IMMP2L: variants seen among roughly 807,000 people sequenced by gnomAD.
IMMP2L encodes the protein mitochondrial inner membrane protease subunit 2.
IMMP2L carries 18 observed loss-of-function variants against 19.3 expected under a neutral mutation model. That is an observed-to-expected ratio of 0.93 (90% confidence interval 0.64 to 1.38). The LOEUF is 1.38. Among genes scored for constraint, IMMP2L ranks in the 40% most tolerant of loss-of-function variants. IMMP2L has a pLI of 0.00. For missense variants in IMMP2L, 233 were observed against 218.2 expected, an observed-to-expected ratio of 1.07 and a Z score of -0.43; for synonymous variants, 76 against 73.0, an observed-to-expected ratio of 1.04 and a Z score of -0.21.
intron 3 of IMMP2L, among the ~76,000 whole-genome samples, chr7:111,193,830 CCTATTA>C (rs1809170174): frequency 6.6e-6 from 1 of 152,024 alleles, no homozygotes; most frequent in African/African-American, 2.4e-5. Context: ...ACTTATTTTA[CCTATTA>C]TTTACACATA....
intron 3 of IMMP2L, among the ~76,000 whole-genome samples, chr7:111,209,501 T>G (rs996238680): frequency 2.6e-5 from 4 of 152,160 alleles, no homozygotes; most frequent in Admixed American, 6.5e-5. Context: ...TACATTTAAT[T>G]TATTCACATA....
chr7:111,272,981 T>C (rs982461419), intron 3 of IMMP2L, among the ~76,000 whole-genome samples: 1 of 152,002 alleles, frequency 6.6e-6, no homozygotes. Flanking sequence ...AAGAAACACC[T>C]AGATCAAAGT....
chr7:111,446,644 G>A (rs570287349), intron 3 of IMMP2L, among the ~76,000 whole-genome samples: 2 of 152,194 alleles, frequency 1.3e-5, no homozygotes, highest in Non-Finnish European at 2.9e-5. Context: ...CTAAAACACA[G>A]AGCGCCTCTC....
chr7:111,460,391 G>C (rs759641002), intron 3 of IMMP2L, among the ~76,000 whole-genome samples: 3 of 152,078 alleles, frequency 2.0e-5, no homozygotes, highest in African/African-American at 4.8e-5. Context: ...AGACAAATTA[G>C]AAATGAGAAG....
At chr7:111,046,169 A>G (rs930575245) in intron 3 of IMMP2L, among the ~76,000 whole-genome samples, 7 of 152,178 alleles carry the variant, frequency 4.6e-5, no homozygotes. Flanking sequence ...AAACAATTAG[A>G]AACACAAGAA....
chr7:110,835,478 A>G (rs1174035319), intron 5 of IMMP2L, among the ~76,000 whole-genome samples: 1 of 152,092 alleles, frequency 6.6e-6, no homozygotes, highest in East Asian at 1.9e-4. Context: ...TGCTTTCCCC[A>G]AACATCCTGA....
At chr7:110,688,103 A>T (rs576710923) in intron 5 of IMMP2L, among the ~76,000 whole-genome samples, 19 of 152,168 alleles carry the variant, frequency 1.2e-4, no homozygotes, top group Admixed American at 1.0e-3. Flanking sequence ...GGTACCAAAC[A>T]TCTGAGTGAA....
intron 3 of IMMP2L, among the ~76,000 whole-genome samples, chr7:111,051,670 A>G (rs1232244487): frequency 2.6e-5 from 4 of 152,212 alleles, no homozygotes; most frequent in Non-Finnish European, 5.9e-5. Flanking sequence ...CAAAAAATGG[A>G]TTCATTCTAA....
At chr7:110,891,427 C>T (rs1260951809) in intron 4 of IMMP2L, among the ~76,000 whole-genome samples, 1 of 152,186 alleles carries the variant, frequency 6.6e-6, no homozygotes, top group East Asian at 1.9e-4. Context: ...TAATTGGCCC[C>T]AGGCATCTGG....
intron 2 of IMMP2L, among the ~76,000 whole-genome samples, chr7:111,501,351 T>C (rs1015990538): frequency 1.3e-5 from 2 of 152,158 alleles, no homozygotes; most frequent in African/African-American, 4.8e-5. Context: ...GTCTGATTGG[T>C]GTACCTGAAA....
chr7:110,875,519 A>G (rs2129544303), intron 5 of IMMP2L, among the ~76,000 whole-genome samples: 1 of 152,266 alleles, frequency 6.6e-6, no homozygotes, highest in Non-Finnish European at 1.5e-5. Context: ...TAGAAATGAC[A>G]TAATTTATAA....
chr7:111,425,516 A>C (rs902667108), intron 3 of IMMP2L, among the ~76,000 whole-genome samples: 7 of 151,076 alleles, frequency 4.6e-5, no homozygotes, highest in African/African-American at 1.7e-4. Context: ...AATGCATTAT[A>C]AATAAATAAG....
intron 3 of IMMP2L, among the ~76,000 whole-genome samples, chr7:111,462,736 C>T (rs1840249560): frequency 6.6e-6 from 1 of 152,068 alleles, no homozygotes; most frequent in South Asian, 2.1e-4. Context: ...TCTAAGAATT[C>T]TAATACAGTT....
chr7:110,847,597 C>T (rs1289966653), intron 5 of IMMP2L, among the ~76,000 whole-genome samples: 3 of 152,032 alleles, frequency 2.0e-5, no homozygotes, highest in African/African-American at 7.2e-5. Context: ...AAGGAAAAAA[C>T]CTGGAATAGC....
At chr7:110,754,905 A>T (rs557839854) in intron 5 of IMMP2L, among the ~76,000 whole-genome samples, 1 of 149,414 alleles carries the variant, frequency 6.7e-6, no homozygotes, top group Non-Finnish European at 1.5e-5. Flanking sequence ...AGCACGTTCT[A>T]TTTTTTTTTT....
intron 3 of IMMP2L, among the ~76,000 whole-genome samples, chr7:111,410,535 G>C (rs117867488): frequency 2.0e-5 from 3 of 150,600 alleles, no homozygotes; most frequent in African/African-American, 7.4e-5. Context: ...AAAAATTAGA[G>C]ACAGACAAAT....
chr7:111,218,215 GTTT>G, intron 3 of IMMP2L, among the ~76,000 whole-genome samples: 4 of 151,932 alleles, frequency 2.6e-5, no homozygotes, highest in Non-Finnish European at 5.9e-5. Flanking sequence ...CTGTTCTGAA[GTTT>G]TCTTATGCAA....
chr7:111,120,946 A>T (rs2129587990), intron 3 of IMMP2L, among the ~76,000 whole-genome samples: 1 of 152,280 alleles, frequency 6.6e-6, no homozygotes, highest in Admixed American at 6.5e-5. Context: ...GCAAAAAAAA[A>T]AAGCCATGAA....
chr7:111,227,618 A>G (rs1448446296), intron 3 of IMMP2L, among the ~76,000 whole-genome samples: 3 of 152,104 alleles, frequency 2.0e-5, no homozygotes, highest in Non-Finnish European at 4.4e-5. Context: ...AAAGACAAAA[A>G]CTGAGGAGAA....
Sources: allele counts gnomAD v4.1 joint callset (sites outside exome capture counted in the v4.1 genomes callset), GRCh38; gene constraint gnomAD v4.1.1; transcripts MANE v1.5; gene names NCBI Gene and HGNC (gene_info 2026-07-23, HGNC 2026-07-21).